The following ESRRG variants were observed in gnomAD, a reference collection of about 807,000 sequenced individuals.
The protein encoded by ESRRG is estrogen-related receptor gamma.
In ESRRG, 13 loss-of-function variants were observed where a neutral mutation model predicts 44.0. That is an observed-to-expected ratio of 0.30 (90% CI 0.19 to 0.47). ESRRG has a LOEUF of 0.47. Ranked by LOEUF, ESRRG falls within the 20% of genes least tolerant of loss-of-function variation. ESRRG has a pLI of 1.00. For synonymous variants in ESRRG, 215 were observed against 214.6 expected (o/e 1.00, Z -0.02); for missense variants, 395 against 580.6 (o/e 0.68, Z 3.29).
intron 1 of ESRRG, among the ~76,000 whole-genome samples, chr1:217,113,063 G>T (rs1290679431): frequency 6.6e-6 from 1 of 152,190 alleles, no homozygotes. Flanking sequence ...TGATAGAAGA[G>T]CTGCCCACTT....
chr1:216,987,489 A>G (rs1490245652), intron 1 of ESRRG, among the ~76,000 whole-genome samples: 2 of 152,240 alleles, frequency 1.3e-5, no homozygotes, highest in Non-Finnish European at 2.9e-5. Flanking sequence ...TGATGATACC[A>G]TTACAATCCT....
At chr1:216,527,162 A>G (rs908353881) in intron 5 of ESRRG, among the ~76,000 whole-genome samples, 1 of 152,176 alleles carries the variant, frequency 6.6e-6, no homozygotes, top group Non-Finnish European at 1.5e-5. Flanking sequence ...TATTGCAAGG[A>G]TGGATCCAAG....
chr1:216,757,230 T>C (rs367884567), intron 2 of ESRRG, among the ~76,000 whole-genome samples: 1 of 152,050 alleles, frequency 6.6e-6, no homozygotes, highest in Non-Finnish European at 1.5e-5. Context: ...ATAAGATATC[T>C]ACTCTAGATT....
intron 2 of ESRRG, among the ~76,000 whole-genome samples, chr1:216,758,207 A>G (rs2092571314): frequency 6.6e-6 from 1 of 152,080 alleles, no homozygotes. Flanking sequence ...GAGCCTCAAA[A>G]TGAAGCACTT....
At chr1:217,137,370 C>G (rs1482846877) in intron 1 of ESRRG, among the ~76,000 whole-genome samples, 1 of 152,152 alleles carries the variant, frequency 6.6e-6, no homozygotes, top group Non-Finnish European at 1.5e-5. Context: ...TGGAAAAATG[C>G]AGAAATACTA....
At chr1:217,115,433 G>A (rs906086331) in intron 1 of ESRRG, among the ~76,000 whole-genome samples, 2 of 151,948 alleles carry the variant, frequency 1.3e-5, no homozygotes, top group African/African-American at 4.8e-5. Context: ...CACCCTACAG[G>A]GCCCTATATG....
At chr1:216,646,665 T>G (rs1168223191) in intron 3 of ESRRG, among the ~76,000 whole-genome samples, 1 of 152,200 alleles carries the variant, frequency 6.6e-6, no homozygotes, top group Non-Finnish European at 1.5e-5. Flanking sequence ...AGTATCTCAT[T>G]GGCTATTTAT....
chr1:216,953,270 C>A (rs563852493), intron 1 of ESRRG, among the ~76,000 whole-genome samples: 16 of 152,204 alleles, frequency 1.1e-4, no homozygotes, highest in South Asian at 6.2e-4. Flanking sequence ...CATTAGGGAC[C>A]AATTTCGAGT....
At chr1:216,830,584 A>G (rs1358199327) in intron 2 of ESRRG, among the ~76,000 whole-genome samples, 1 of 152,096 alleles carries the variant, frequency 6.6e-6, no homozygotes, top group Non-Finnish European at 1.5e-5. Context: ...GGCTCTCGGA[A>G]GCCTCAGAAA....
chr1:217,098,773 G>A (rs925441202), intron 1 of ESRRG, among the ~76,000 whole-genome samples: 7 of 152,098 alleles, frequency 4.6e-5, no homozygotes, highest in East Asian at 3.9e-4. Context: ...TTTCCAAAGC[G>A]ATTGAACAGT....
intron 1 of ESRRG, among the ~76,000 whole-genome samples, chr1:217,031,147 T>TA (rs1035994269): frequency 1.7e-4 from 26 of 152,194 alleles, no homozygotes; most frequent in African/African-American, 5.1e-4. Context: ...AGAGTTATTT[T>TA]AAAAAAAACT....
chr1:216,706,612 T>G (rs1360938510), intron 1 of ESRRG, among the ~76,000 whole-genome samples: 1 of 152,182 alleles, frequency 6.6e-6, no homozygotes, highest in Non-Finnish European at 1.5e-5. Context: ...TGCCAAGCTA[T>G]CCTGAGACAA....
At chr1:216,971,386 T>C (rs2071622746) in intron 1 of ESRRG, among the ~76,000 whole-genome samples, 1 of 152,138 alleles carries the variant, frequency 6.6e-6, no homozygotes, top group African/African-American at 2.4e-5. Context: ...AGCAACGTGT[T>C]AGAAAGAAGT....
intron 2 of ESRRG, among the ~76,000 whole-genome samples, chr1:216,938,436 T>C (rs1464978219): frequency 6.6e-6 from 1 of 152,168 alleles, no homozygotes; most frequent in Non-Finnish European, 1.5e-5. Context: ...CATTTTATGA[T>C]AGTTCAAGCT....
chr1:216,521,991 G>GC (rs1558240866), intron 5 of ESRRG, among the ~76,000 whole-genome samples: 1 of 152,022 alleles, frequency 6.6e-6, no homozygotes, highest in African/African-American at 2.4e-5. Flanking sequence ...GTTGCACCGG[G>GC]CCCCCTTTGT....
intron 1 of ESRRG, among the ~76,000 whole-genome samples, chr1:217,135,783 C>T (rs2093041219): frequency 6.6e-6 from 1 of 152,186 alleles, no homozygotes; most frequent in Admixed American, 6.5e-5. Flanking sequence ...TGGGCGCCTC[C>T]GGGATCGCTC....
At chr1:216,712,914 C>A (rs1389053654) in intron 1 of ESRRG, among the ~76,000 whole-genome samples, 1 of 152,104 alleles carries the variant, frequency 6.6e-6, no homozygotes, top group East Asian at 1.9e-4. Flanking sequence ...AACGAACTTT[C>A]CAATGAAATA....
At chr1:217,025,226 A>G (rs1304249344) in intron 1 of ESRRG, among the ~76,000 whole-genome samples, 1 of 152,218 alleles carries the variant, frequency 6.6e-6, no homozygotes, top group Non-Finnish European at 1.5e-5. Flanking sequence ...TTTTCTGAAA[A>G]CAAGGCAAGA....
intron 2 of ESRRG, among the ~76,000 whole-genome samples, chr1:216,933,700 T>C (rs968353639): frequency 3.9e-5 from 6 of 152,230 alleles, no homozygotes; most frequent in African/African-American, 1.4e-4. Context: ...TATATGTTCA[T>C]ATCATTCAAT....
Sources: allele counts gnomAD v4.1 joint callset (sites outside exome capture counted in the v4.1 genomes callset), GRCh38; gene constraint gnomAD v4.1.1; transcripts MANE v1.5; gene names NCBI Gene and HGNC (gene_info 2026-07-23, HGNC 2026-07-21).